Variants in CDNF observed in about 807,000 individuals in gnomAD.
CDNF encodes the protein cerebral dopamine neurotrophic factor.
A neutral mutation model predicts 14.8 loss-of-function variants in CDNF; 9 were observed. That is an observed-to-expected ratio of 0.61 (90% confidence interval 0.37 to 1.06). The LOEUF (loss-of-function observed/expected upper bound fraction) is 1.06. Ranked by LOEUF, CDNF falls within the 50% of genes least tolerant of loss-of-function variation. The pLI is 0.01. For missense variants in CDNF, 228 were observed against 228.4 expected (o/e 1.00, Z 0.01); for synonymous variants, 86 against 87.2 (o/e 0.99, Z 0.07).
At chr10:14,830,127 A>G (rs576086304) in intron 1 of CDNF, among the ~76,000 whole-genome samples, 9 of 152,350 alleles carry the variant, frequency 5.9e-5, no homozygotes, top group African/African-American at 2.2e-4. Flanking sequence ...GCAACTAGCC[A>G]GGCACTGCTT....
chr10:14,834,679 G>A (rs1487477705), intron 1 of CDNF, among the ~76,000 whole-genome samples: 3 of 152,146 alleles, frequency 2.0e-5, no homozygotes, highest in East Asian at 1.9e-4. Flanking sequence ...CTGGACATGA[G>A]GTGGTGAGAA....
intron 1 of CDNF, among the ~76,000 whole-genome samples, chr10:14,831,798 T>G (rs972156025): frequency 1.3e-5 from 2 of 152,120 alleles, no homozygotes; most frequent in African/African-American, 4.8e-5. Context: ...ACGGTCTCGA[T>G]CTCCTCACCT....
chr10:14,820,927 G>T (rs1192022001), intron 3 of CDNF, among the ~76,000 whole-genome samples: 1 of 151,572 alleles, frequency 6.6e-6, no homozygotes, highest in Admixed American at 6.6e-5. Context: ...GAGGGATCTG[G>T]TTGTTTCAAA....
intron 2 of CDNF, 103 bp downstream of exon 2, chr10:14,828,042 T>C: frequency 1.7e-6 from 2 of 1,175,492 alleles, no homozygotes; most frequent in Non-Finnish European, 2.5e-6. Flanking sequence ...ATGGACATAC[T>C]TGAGGCAAAC....
chr10:14,830,657 C>T (rs11818937), intron 1 of CDNF, among the ~76,000 whole-genome samples: 2,178 of 152,168 alleles, frequency 0.014, 61 homozygotes, highest in African/African-American at 0.049. Context: ...ACCAGCCTGG[C>T]CAATATGATG....
At chr10:14,837,231 G>T (rs531823097) in intron 1 of CDNF, among the ~76,000 whole-genome samples, 27 of 152,300 alleles carry the variant, frequency 1.8e-4, no homozygotes, top group African/African-American at 5.1e-4. Flanking sequence ...AGAGCTAGGG[G>T]ACTTGGTGGG....
At chr10:14,835,206 G>T (rs931996230) in intron 1 of CDNF, among the ~76,000 whole-genome samples, 9 of 152,202 alleles carry the variant, frequency 5.9e-5, no homozygotes, top group Non-Finnish European at 7.3e-5. Flanking sequence ...CTCTAGAAAG[G>T]TCAGTGGATA....
At chr10:14,833,203 C>T (rs992621644) in intron 1 of CDNF, among the ~76,000 whole-genome samples, 1 of 152,060 alleles carries the variant, frequency 6.6e-6, no homozygotes, top group Non-Finnish European at 1.5e-5. Context: ...TTCTAGACGT[C>T]TGTGATGGTT....
At chr10:14,822,257 C>T (rs184413133) in intron 3 of CDNF, among the ~76,000 whole-genome samples, 1,538 of 152,228 alleles carry the variant, frequency 0.01, 12 homozygotes, top group Non-Finnish European at 0.015. Flanking sequence ...ACTACTATTT[C>T]GCTGTTTATA....
chr10:14,829,624 T>G lies in CDNF; in HGVS notation c.116-1352A>C, dbSNP rs573837066. On this transcript the variant is annotated intron_variant, in intron 1 of 3. Transcript: ENST00000465530. ...CAATATCTGAAGTCTTCAGAGTTTT[T>G]TTTGTTTGTTTGTTTGTTTTTTAAG... 1.6e-4 allele frequency among the ~76,000 whole-genome samples: 24 copies of G among 152,208 alleles called. 1 individual carries two copies. The East Asian group carries it at 2.7e-3, about 17-fold the overall frequency.
At chr10:14,833,552 T>C (rs942698988) in intron 1 of CDNF, among the ~76,000 whole-genome samples, 1 of 152,168 alleles carries the variant, frequency 6.6e-6, no homozygotes, top group African/African-American at 2.4e-5. Context: ...AGATTATATG[T>C]TCTGTTTGGT....
chr10:14,831,859 C>T (rs1833846872), intron 1 of CDNF, among the ~76,000 whole-genome samples: 1 of 152,162 alleles, frequency 6.6e-6, no homozygotes, highest in Non-Finnish European at 1.5e-5. Context: ...CAGGTGTGAG[C>T]CACCGTGCCT....
Position 14,819,834 on chromosome 10 carries a change from G to T in CDNF, c.*146C>A, listed in dbSNP as rs774378310. 1.3e-6 allele frequency: 1 copy of T among 772,226 alleles called. No homozygotes were observed. The highest frequency in any genetic ancestry group is 2.1e-6 in the Non-Finnish European group (1 of 485,070). 47.8% of individuals were successfully genotyped at this position (772,226 alleles called of 1,614,324 possible). A position where few individuals can be genotyped will look rare whatever the true frequency, so the allele number is the denominator to read the frequency against. On this transcript the variant is annotated 3_prime_UTR_variant, in exon 4 of 4. Coordinates refer to ENST00000465530, the MANE Select transcript of CDNF (RefSeq NM_001029954.3). ...GTATTAGTTTCACTCATAAACCCAC[G>T]TAACAAAATTCTGAGGAATAATACC... is the stretch of plus-strand genomic sequence containing the variant.
At chr10:14,829,671 C>G (rs1232281267) in intron 1 of CDNF, among the ~76,000 whole-genome samples, 1 of 152,048 alleles carries the variant, frequency 6.6e-6, no homozygotes, top group East Asian at 1.9e-4. Context: ...CTCTGTTCAC[C>G]CAGGCTTAAG....
chr10:14,833,347 T>C (rs186463792), intron 1 of CDNF, among the ~76,000 whole-genome samples: 178 of 152,334 alleles, frequency 1.2e-3, no homozygotes, highest in Admixed American at 3.0e-3. Flanking sequence ...CCAGCCTTCC[T>C]GACGAAGAGG....
chr10:14,826,017 A>AAGC lies in CDNF; in HGVS notation c.244-398_244-397insGCT, dbSNP rs1378300590. 2.7e-3 allele frequency among the ~76,000 whole-genome samples: 335 copies of AAGC among 124,594 alleles called. 8 individuals are homozygous for AAGC. The highest frequency in any genetic ancestry group is 0.014 in the East Asian group (61 of 4,262). The allele number at this position is 124,594 out of a possible 152,430, so 81.7% of individuals were successfully genotyped here. A position where few individuals can be genotyped will look rare whatever the true frequency, so the allele number is the denominator to read the frequency against. On this transcript the variant is annotated intron_variant, in intron 2 of 3. Transcript: ENST00000465530. ...GAAGCAGCAGAAGAAGCAGAAGCAG[A>AAGC]AGAAGAAGAAGGAGAAGAAGAAGAA...
At chr10:14,837,780 C>G (rs930061044) in intron 1 of CDNF, 52 bp downstream of exon 1, 1 of 1,149,054 alleles carries the variant, frequency 8.7e-7, no homozygotes, top group Non-Finnish European at 1.2e-6. Flanking sequence ...CCGACAGCTG[C>G]TGCGCCGCAG....
At chr10:14,826,017 A>AAGCAGAAGAAGGAGAAGGAGAAGG (rs1378300590) in intron 2 of CDNF, among the ~76,000 whole-genome samples, 17 of 124,774 alleles carry the variant, frequency 1.4e-4, no homozygotes, top group African/African-American at 6.0e-4. Context: ...GCAGAAGCAG[A>AAGCAGAAGAAGGAGAAGGAGAAGG]AGAAGAAGAA....
intron 1 of CDNF, 105 bp from the exon 2 acceptor site, chr10:14,828,377 G>C: frequency 9.0e-7 from 1 of 1,107,410 alleles, no homozygotes; most frequent in Non-Finnish European, 1.3e-6. Flanking sequence ...GGCTGGGCAT[G>C]GTGGCTTACC....
Sources: allele counts gnomAD v4.1 joint callset (sites outside exome capture counted in the v4.1 genomes callset), GRCh38; gene constraint gnomAD v4.1.1; transcripts MANE v1.5; gene names NCBI Gene and HGNC (gene_info 2026-07-23, HGNC 2026-07-21).